GAD1: variants seen among roughly 807,000 people sequenced by gnomAD.
The protein encoded by GAD1 is 67 kDa glutamic acid decarboxylase.
In GAD1, 35 loss-of-function variants were observed where a neutral mutation model predicts 75.2. The ratio of observed to expected loss-of-function variants is 0.47; its 90% CI spans 0.36 to 0.62. The LOEUF is 0.62. Ranked by LOEUF, GAD1 falls within the 20% of genes least tolerant of loss-of-function variation. The probability of loss-of-function intolerance (pLI) is 0.00; values close to 1 mark genes in which losing one functional copy is unlikely to be tolerated. For synonymous variants in GAD1, 257 were observed against 271.9 expected, an observed-to-expected ratio of 0.95 and a Z score of 0.54; for missense variants, 490 against 758.5, an observed-to-expected ratio of 0.65 and a Z score of 4.16.
chr2:170,854,144 T>C (rs1575446233), intron 14 of GAD1, 122 bp downstream of exon 14: 1 of 986,382 alleles, frequency 1.0e-6, no homozygotes, highest in Non-Finnish European at 1.6e-6. Flanking sequence ...TCTAGATAAT[T>C]GAATTAACTG....
Position 170,833,941 on chromosome 2 carries a change from A to C in GAD1, c.547+2749A>C, listed in dbSNP as rs1293892412. ...CTTGAGCCCGGGAGGCGGAGGTTGC[A>C]GTGAGCTGAGATTGTGCCACTGCAC... On this transcript the variant is annotated intron_variant, in intron 5 of 16. Coordinates refer to ENST00000358196, the MANE Select transcript of GAD1 (RefSeq NM_000817.3). 3.3e-5 allele frequency among the ~76,000 whole-genome samples: 5 copies of C among 151,992 alleles called. No individual in the cohort carries two copies. In the East Asian group the frequency reaches 9.6e-4, roughly 29 times the overall value.
At chr2:170,827,155 G>T (rs1051040085) in intron 3 of GAD1, among the ~76,000 whole-genome samples, 3 of 152,094 alleles carry the variant, frequency 2.0e-5, no homozygotes, top group Non-Finnish European at 4.4e-5. Flanking sequence ...CCCTTGTGTG[G>T]GAGGATTCTA....
At chr2:170,837,016 A>G in intron 6 of GAD1, 133 bp downstream of exon 6, 1 of 679,430 alleles carries the variant, frequency 1.5e-6, no homozygotes, top group Non-Finnish European at 2.6e-6. Flanking sequence ...CTTTAGGTTT[A>G]TCACAGTTCT....
intron 2 of GAD1, 101 bp from the exon 3 acceptor site, chr2:170,821,986 G>A: frequency 9.8e-7 from 1 of 1,015,688 alleles, no homozygotes; most frequent in Non-Finnish European, 1.5e-6. Flanking sequence ...AAGAGCTCTG[G>A]CAAAGTCCTC....
upstream of GAD1, chr2:170,816,783 C>A (rs1701707067): frequency 6.5e-6 from 1 of 153,358 alleles, no homozygotes; most frequent in South Asian, 2.1e-4. Context: ...CGACTAGCTG[C>A]CCCCGCGAGC....
intron 2 of GAD1, chr2:170,821,856 A>C: frequency 1.8e-6 from 1 of 550,382 alleles, no homozygotes; most frequent in Non-Finnish European, 3.3e-6. Context: ...CCCGCCTCTC[A>C]GAGACACCGT....
At chr2:170,837,033 A>G (rs1702394863) in intron 6 of GAD1, 150 bp downstream of exon 6, 7 of 646,340 alleles carry the variant, frequency 1.1e-5, no homozygotes, top group Middle Eastern at 3.9e-4. Flanking sequence ...TTCTGATTTA[A>G]TGGTAAATAC....
upstream of GAD1, among the ~76,000 whole-genome samples, chr2:170,813,935 G>C (rs1226732745): frequency 6.6e-6 from 1 of 152,110 alleles, no homozygotes; most frequent in Non-Finnish European, 1.5e-5. Flanking sequence ...TTCTGCCTTT[G>C]AGCGCCGCGT....
intron 2 of GAD1, among the ~76,000 whole-genome samples, chr2:170,819,123 A>G (rs1701796896): frequency 6.6e-6 from 1 of 152,074 alleles, no homozygotes; most frequent in Non-Finnish European, 1.5e-5. Context: ...CAAAGTCTAT[A>G]ATCAGCGGAA....
At chr2:170,830,626 G>T (rs1328326327) in intron 4 of GAD1, among the ~76,000 whole-genome samples, 1 of 152,206 alleles carries the variant, frequency 6.6e-6, no homozygotes, top group Non-Finnish European at 1.5e-5. Flanking sequence ...CACGACAGAT[G>T]CCCCCTCCAT....
At chr2:170,816,532 G>A (rs1026349329), upstream of GAD1, 2 of 152,104 alleles carry the variant, frequency 1.3e-5, no homozygotes, top group Admixed American at 6.5e-5. Context: ...GGGAAAGGAG[G>A]GGAGGGAAGA....
At position 170,856,094 on chromosome 2, in the gene GAD1, G is replaced by T. The variant is rs11900444; in HGVS notation, c.1414-924G>T. Among the ~76,000 whole-genome samples, 467 of 152,288 alleles carry T rather than the reference G, an allele frequency of 3.1e-3. 2 individuals carry two copies. Among genetic ancestry groups the T allele is most frequent in the African/African-American group, 0.01 (433 of 41,560 alleles). ...TTCATTCCTAAGTGGACTGACTAGG[G>T]TGTACAGTCAGCAGTGACACTACCT... On this transcript the variant is annotated intron_variant, in intron 14 of 16. Coordinates refer to ENST00000358196, the MANE Select transcript of GAD1 (RefSeq NM_000817.3).
chr2:170,834,641 C>T (rs1702324762), intron 5 of GAD1, among the ~76,000 whole-genome samples: 2 of 152,164 alleles, frequency 1.3e-5, no homozygotes, highest in African/African-American at 4.8e-5. Flanking sequence ...CTATAATGAA[C>T]CCTATAAACC....
intron 2 of GAD1, among the ~76,000 whole-genome samples, chr2:170,820,729 C>T (rs868119903): frequency 2.0e-4 from 30 of 152,170 alleles, no homozygotes; most frequent in African/African-American, 7.2e-4. Flanking sequence ...TTGCAACCCC[C>T]AATTTTGAAA....
rs544847216 is a variant in GAD1, at chr2:170,840,946, C to T, written c.639-3099C>T. ...AGCTTGTTGACAGTCAATTTGCCTTCGCTCTGAGTGAACTCCTCCGGGAAG... is the reference window on the plus strand; with the variant it reads ...AGCTTGTTGACAGTCAATTTGCCTTTGCTCTGAGTGAACTCCTCCGGGAAG... On this transcript the variant is annotated intron_variant, in intron 6 of 16. Transcript: ENST00000358196. Among the ~76,000 whole-genome samples, 8 of 152,310 alleles carry T rather than the reference C, an allele frequency of 5.3e-5. No individual in the cohort carries two copies. The South Asian group carries it at 6.2e-4, about 12-fold the overall frequency.
chr2:170,815,691 G>C (rs1224500813), upstream of GAD1, among the ~76,000 whole-genome samples: 1 of 152,180 alleles, frequency 6.6e-6, no homozygotes, highest in Non-Finnish European at 1.5e-5. Context: ...GTGTCACCCA[G>C]ACACGCACAG....
intron 3 of GAD1, among the ~76,000 whole-genome samples, chr2:170,822,655 C>T (rs545860055): frequency 1.3e-5 from 2 of 152,280 alleles, no homozygotes; most frequent in African/African-American, 4.8e-5. Context: ...CACCTCCACC[C>T]GCGCAGTCGG....
intron 7 of GAD1, among the ~76,000 whole-genome samples, chr2:170,844,869 A>C (rs763885766): frequency 1.3e-5 from 2 of 152,226 alleles, no homozygotes; most frequent in Admixed American, 6.5e-5. Context: ...AATTTGCCTA[A>C]GTTTAATTGT....
At chr2:170,814,119 G>A (rs932829191), upstream of GAD1, among the ~76,000 whole-genome samples, 2 of 152,156 alleles carry the variant, frequency 1.3e-5, no homozygotes, top group Non-Finnish European at 2.9e-5. Context: ...AAGAGTGAAA[G>A]ACATAAACAA....
Sources: gnomAD v4.1 joint callset for allele counts (sites outside exome capture counted in the v4.1 genomes callset) on GRCh38, gnomAD v4.1.1 for gene constraint, MANE v1.5 for transcripts, NCBI Gene and HGNC (gene_info 2026-07-23, HGNC 2026-07-21) for gene names.